Variants in RORA observed in about 807,000 individuals in gnomAD.
The protein encoded by RORA is RAR related orphan receptor A, also known as nuclear receptor ROR-alpha.
A neutral mutation model predicts 69.5 loss-of-function variants in RORA; 7 were observed. The ratio of observed to expected loss-of-function variants is 0.10; its 90% CI spans 0.06 to 0.19. The LOEUF is 0.19. Ranked by LOEUF, RORA falls within the 10% of genes least tolerant of loss-of-function variation. RORA has a pLI of 1.00. For missense variants in RORA, 457 were observed against 663.0 expected (o/e 0.69, Z 3.41); for synonymous variants, 261 against 240.8 (o/e 1.08, Z -0.78).
intron 1 of RORA, among the ~76,000 whole-genome samples, chr15:60,728,717 A>G (rs1004492369): frequency 6.6e-6 from 1 of 152,182 alleles, no homozygotes; most frequent in African/African-American, 2.4e-5. Context: ...TGCAACAAGT[A>G]TATGCCAAGT....
chr15:60,778,175 T>G (rs553229471), intron 1 of RORA, among the ~76,000 whole-genome samples: 1 of 152,262 alleles, frequency 6.6e-6, no homozygotes, highest in South Asian at 2.1e-4. Flanking sequence ...TCAATGTGCT[T>G]CATAATTTCT....
chr15:60,741,214 C>A (rs2071571645), intron 1 of RORA, among the ~76,000 whole-genome samples: 1 of 152,198 alleles, frequency 6.6e-6, no homozygotes, highest in South Asian at 2.1e-4. Context: ...AATTCAATTC[C>A]CAGCCAGAAA....
chr15:60,969,262 A>G (rs1893641749), intron 1 of RORA, among the ~76,000 whole-genome samples: 1 of 152,214 alleles, frequency 6.6e-6, no homozygotes, highest in Non-Finnish European at 1.5e-5. Context: ...AATTATGTAA[A>G]TACTTTGTCA....
rs371565525 is a variant in RORA, at chr15:60,932,466, A to T, written c.167-253780T>A. Among the ~76,000 whole-genome samples, 14 of 152,350 alleles carry T rather than the reference A, an allele frequency of 9.2e-5. No homozygotes were observed. The East Asian group carries it at 1.7e-3, about 19-fold the overall frequency. ...CCCTAAGATCAAATAAGTAACAGGT[A>T]TGTTAAAAAGTTTCATTTGTTTACG... On this transcript the variant is annotated intron_variant, in intron 1 of 10. Coordinates refer to ENST00000335670, the MANE Select transcript of RORA (RefSeq NM_134261.3).
At chr15:60,576,267 A>G (rs558886839) in intron 2 of RORA, among the ~76,000 whole-genome samples, 1 of 152,322 alleles carries the variant, frequency 6.6e-6, no homozygotes, top group South Asian at 2.1e-4. Context: ...GTGTTCTGAG[A>G]CTGATTTGGC....
intron 1 of RORA, among the ~76,000 whole-genome samples, chr15:61,146,876 G>A (rs780744293): frequency 2.7e-4 from 41 of 152,160 alleles, no homozygotes; most frequent in Non-Finnish European, 5.3e-4. Flanking sequence ...CACAGAGCTA[G>A]AAAATAAACC....
chr15:60,867,260 G>C (rs2073500039), intron 1 of RORA, among the ~76,000 whole-genome samples: 1 of 152,086 alleles, frequency 6.6e-6, no homozygotes, highest in Non-Finnish European at 1.5e-5. Flanking sequence ...CCTGAGGAGG[G>C]GTACTGGCAA....
chr15:61,157,416 T>C (rs2079454264), intron 1 of RORA, among the ~76,000 whole-genome samples: 1 of 152,188 alleles, frequency 6.6e-6, no homozygotes, highest in African/African-American at 2.4e-5. Flanking sequence ...TTAAAGTTAA[T>C]GGGTTATTTG....
At chr15:61,097,635 C>T (rs1359686370) in intron 1 of RORA, among the ~76,000 whole-genome samples, 1 of 152,100 alleles carries the variant, frequency 6.6e-6, no homozygotes, top group Non-Finnish European at 1.5e-5. Flanking sequence ...ATAAAGTTCT[C>T]AAGTACAGTA....
At chr15:61,180,683 T>C (rs1329218409) in intron 1 of RORA, among the ~76,000 whole-genome samples, 1 of 152,244 alleles carries the variant, frequency 6.6e-6, no homozygotes, top group Non-Finnish European at 1.5e-5. Context: ...CTATTGAAAT[T>C]CTGTATTTTT....
intron 1 of RORA, among the ~76,000 whole-genome samples, chr15:60,728,239 T>C (rs554931296): frequency 2.6e-5 from 4 of 152,320 alleles, no homozygotes; most frequent in Admixed American, 2.6e-4. Context: ...TCTCATTATG[T>C]CACCCAGGCT....
At chr15:61,220,683 G>A (rs1478635865) in intron 1 of RORA, among the ~76,000 whole-genome samples, 1 of 152,158 alleles carries the variant, frequency 6.6e-6, no homozygotes, top group Non-Finnish European at 1.5e-5. Context: ...AGCTCACCGT[G>A]CCCTTCAGAC....
intron 2 of RORA, among the ~76,000 whole-genome samples, chr15:60,549,959 G>A (rs1013362172): frequency 1.7e-4 from 26 of 152,300 alleles, no homozygotes; most frequent in African/African-American, 6.3e-4. Flanking sequence ...GGCTGAAGAT[G>A]TAATTGTCTA....
At chr15:60,965,981 C>T (rs1893545043) in intron 1 of RORA, among the ~76,000 whole-genome samples, 1 of 152,138 alleles carries the variant, frequency 6.6e-6, no homozygotes, top group Admixed American at 6.5e-5. Context: ...ACAAAGTAAC[C>T]ACCCAGTCTG....
chr15:61,022,448 G>A (rs1029731399), intron 1 of RORA, among the ~76,000 whole-genome samples: 3 of 152,096 alleles, frequency 2.0e-5, no homozygotes, highest in African/African-American at 4.8e-5. Context: ...TGACCTTATA[G>A]GCACCATCTT....
intron 2 of RORA, among the ~76,000 whole-genome samples, chr15:60,621,720 G>C (rs538032322): frequency 1.3e-5 from 2 of 151,294 alleles, no homozygotes; most frequent in East Asian, 3.9e-4. Context: ...GGAAGAGAAA[G>C]ACTATGTTCC....
intron 1 of RORA, among the ~76,000 whole-genome samples, chr15:60,852,822 G>C (rs1394603356): frequency 6.6e-6 from 1 of 151,806 alleles, no homozygotes; most frequent in Non-Finnish European, 1.5e-5. Context: ...CGGATGACAA[G>C]ATTTCTGGTG....
chr15:60,552,675 T>C (rs764848586), intron 2 of RORA, among the ~76,000 whole-genome samples: 1 of 152,186 alleles, frequency 6.6e-6, no homozygotes, highest in Non-Finnish European at 1.5e-5. Context: ...TTCCTTCTAG[T>C]GTGGAAACTA....
chr15:61,019,308 A>C (rs1056586649), intron 1 of RORA, among the ~76,000 whole-genome samples: 17 of 152,260 alleles, frequency 1.1e-4, no homozygotes, highest in Non-Finnish European at 2.1e-4. Flanking sequence ...TTAAAGGAAC[A>C]GAATTTTCCC....
Sources: gnomAD v4.1 joint callset for allele counts (sites outside exome capture counted in the v4.1 genomes callset) on GRCh38, gnomAD v4.1.1 for gene constraint, MANE v1.5 for transcripts, NCBI Gene and HGNC (gene_info 2026-07-23, HGNC 2026-07-21) for gene names.